Variants in PRDM16 observed in about 807,000 individuals in gnomAD.
The protein encoded by PRDM16 is histone-lysine N-methyltransferase PRDM16.
PRDM16 carries 23 observed loss-of-function variants against 110.6 expected under a neutral mutation model. The ratio of observed to expected loss-of-function variants is 0.21; its 90% confidence interval spans 0.15 to 0.29. The LOEUF (loss-of-function observed/expected upper bound fraction) is 0.29, where lower values mean the gene tolerates loss of function less well. PRDM16 is among the 10% of genes least tolerant of loss of function. PRDM16 has a pLI of 1.00. For synonymous variants in PRDM16, 799 were observed against 781.8 expected (o/e 1.02, Z -0.37); for missense variants, 1,615 against 1,794.3 (o/e 0.90, Z 1.81).
intron 1 of PRDM16, among the ~76,000 whole-genome samples, chr1:3,070,499 G>C (rs1336303834): frequency 2.7e-5 from 4 of 150,080 alleles, no homozygotes; most frequent in Non-Finnish European, 4.5e-5. Context: ...GAGCGGAATC[G>C]GCGCCGCCTG....
intron 3 of PRDM16, among the ~76,000 whole-genome samples, chr1:3,300,617 A>C (rs1474142888): frequency 6.6e-6 from 1 of 152,202 alleles, no homozygotes; most frequent in Non-Finnish European, 1.5e-5. Flanking sequence ...CCGCGGTGCA[A>C]CTGGGGTGCG....
In PRDM16 at chr1:3,382,109, G is replaced by A. The variant is rs1177661306; in HGVS notation, c.439-3043G>A. ...TTCCTGCTGCGCATCAGCAGTCAGG[G>A]TGGGAGGTGAGGGGGCCCTAAGAGG... On this transcript the variant is annotated intron_variant, in intron 3 of 16. Transcript: ENST00000270722. This position sits in a 1 kb window ranked among gnomAD's most constrained non-coding sequence, Gnocchi z 6.6. Among the ~76,000 whole-genome samples, 3 of 152,242 alleles carry A rather than the reference G, an allele frequency of 2.0e-5. No homozygotes were observed. The highest frequency in any genetic ancestry group is 2.4e-5 in the African/African-American group (1 of 41,466).
intron 14 of PRDM16, among the ~76,000 whole-genome samples, 177 bp downstream of exon 14, chr1:3,426,402 G>C (rs117366760): frequency 6.6e-6 from 1 of 152,018 alleles, no homozygotes; most frequent in African/African-American, 2.4e-5. Context: ...TGGGGAAGCT[G>C]CGCTGTCTGC....
chr1:3,218,717 G>A (rs1312985136), intron 2 of PRDM16, among the ~76,000 whole-genome samples: 1 of 152,132 alleles, frequency 6.6e-6, no homozygotes, highest in East Asian at 1.9e-4. Context: ...CACGAGCTGG[G>A]GTCTTTTCTA....
rs542463792 is a variant in PRDM16, at chr1:3,437,627, A to G, written c.*3816A>G. The G allele has an allele frequency of 3.5e-5, 8 of 227,712 alleles. No homozygotes were observed. The highest frequency in any genetic ancestry group is 7.0e-5 in the Non-Finnish European group (8 of 114,644). The allele number at this position is 227,712 out of a possible 1,614,324, so 14.1% of individuals were successfully genotyped here. A position where few individuals can be genotyped will look rare whatever the true frequency, so the allele number is the denominator to read the frequency against. On this transcript the variant is annotated 3_prime_UTR_variant, in exon 17 of 17. Transcript: ENST00000270722. ...GCCATGAAACTGTGTCTCTGTAGCA[A>G]TGAGTGATACTGTGACAAAACCATC...
chr1:3,116,069 G>C (rs555374541), intron 1 of PRDM16, among the ~76,000 whole-genome samples: 1 of 152,326 alleles, frequency 6.6e-6, no homozygotes, highest in Admixed American at 6.5e-5. Flanking sequence ...TGGCCAGCCG[G>C]AGCCCCTCAC....
At chr1:3,403,937 G>T (rs929645904) in intron 6 of PRDM16, among the ~76,000 whole-genome samples, 1 of 152,190 alleles carries the variant, frequency 6.6e-6, no homozygotes, top group Non-Finnish European at 1.5e-5. Flanking sequence ...GAAAATAAAC[G>T]TTTGGGCAAA....
intron 3 of PRDM16, among the ~76,000 whole-genome samples, chr1:3,247,487 G>T (rs528506503): frequency 6.6e-6 from 1 of 152,190 alleles, no homozygotes; most frequent in East Asian, 1.9e-4. Flanking sequence ...TCCTGTGGGC[G>T]CTACAGAGGT....
intron 3 of PRDM16, among the ~76,000 whole-genome samples, chr1:3,326,759 G>A (rs1024180195): frequency 3.3e-5 from 5 of 152,206 alleles, no homozygotes; most frequent in African/African-American, 7.2e-5. Context: ...TCTCTGGAGC[G>A]TTCTGGCTCC....
At chr1:3,104,241 G>T (rs1371348202) in intron 1 of PRDM16, among the ~76,000 whole-genome samples, 2 of 152,230 alleles carry the variant, frequency 1.3e-5, no homozygotes, top group Non-Finnish European at 2.9e-5. Flanking sequence ...TGGGGACCCA[G>T]GAGGCGGCCT....
rs766740557 is a variant in PRDM16 at position 3,433,718 on chromosome 1, C to G, written c.3738C>G (p.Leu1246=). ...MMLSLSEDTP[L]HTPSQGSLDA... is the part of the protein sequence containing the mutation. Reference sequence around the variant, plus strand: ...TGTCCCTTTCCGAAGACACTCCTCTCCACACCCCCTCCCAGGGTTCTCTGG... The same window carrying G: ...TGTCCCTTTCCGAAGACACTCCTCTGCACACCCCCTCCCAGGGTTCTCTGG... The change falls in exon 17 of 17, where the codon CTC becomes CTG. Residue 1246 remains leucine, a synonymous_variant. Transcript: ENST00000270722. The G allele has an allele frequency of 3.1e-6, 5 of 1,614,036 alleles. No individual in the cohort carries two copies. Among genetic ancestry groups the G allele is most frequent in the Non-Finnish European group, 4.2e-6 (5 of 1,179,952 alleles).
intron 1 of PRDM16, among the ~76,000 whole-genome samples, chr1:3,138,065 CCT>C (rs1165633271): frequency 6.6e-6 from 1 of 152,198 alleles, no homozygotes; most frequent in African/African-American, 2.4e-5. Context: ...GTAAGTTCCC[CCT>C]GTGAAGGGCT....
At chr1:3,187,680 C>G (rs1437120278) in intron 2 of PRDM16, among the ~76,000 whole-genome samples, 1 of 152,190 alleles carries the variant, frequency 6.6e-6, no homozygotes. Flanking sequence ...AGTGCATCCT[C>G]CCTGGGCAAG....
At chr1:3,146,616 G>GGA (rs1643662662) in intron 1 of PRDM16, among the ~76,000 whole-genome samples, 1 of 141,456 alleles carries the variant, frequency 7.1e-6, no homozygotes, top group African/African-American at 2.6e-5. Flanking sequence ...CAGTGTGGGG[G>GGA]GTGTGTGTGC....
rs565141532 is a variant in PRDM16, at chr1:3,438,324, C to A, written c.*4513C>A. 2 of 201,936 alleles carry A rather than the reference C, an allele frequency of 9.9e-6. No individual in the cohort carries two copies. Among genetic ancestry groups the A allele is most frequent in the Non-Finnish European group, 1.0e-5 (1 of 98,210 alleles). 12.5% of individuals were successfully genotyped at this position (201,936 alleles called of 1,614,324 possible). The stretch of plus-strand genomic sequence containing the variant: ...TACGTCTGAGACTAGGAGTCCTGAA[C>A]TGCTGACGCGAAAGAGGCGCAGTTC... On this transcript the variant is annotated 3_prime_UTR_variant, in exon 17 of 17. Transcript: ENST00000270722.
intron 2 of PRDM16, among the ~76,000 whole-genome samples, chr1:3,202,679 T>C (rs1384404030): frequency 1.3e-5 from 2 of 152,168 alleles, no homozygotes; most frequent in African/African-American, 4.8e-5. Flanking sequence ...TTTGTGAGGT[T>C]TTCGAAAAGC....
At chr1:3,194,342 G>A (rs1039969635) in intron 2 of PRDM16, among the ~76,000 whole-genome samples, 1 of 152,180 alleles carries the variant, frequency 6.6e-6, no homozygotes, top group Non-Finnish European at 1.5e-5. Context: ...TCACCCTGGA[G>A]CTGAGCCCCG....
At chr1:3,181,692 G>C (rs796803677) in intron 1 of PRDM16, among the ~76,000 whole-genome samples, 1 of 91,194 alleles carries the variant, frequency 1.1e-5, no homozygotes, top group East Asian at 3.3e-4. Flanking sequence ...TCTTACACAC[G>C]GTCTTACACA....
chr1:3,203,798 C>A (rs1022417258), intron 2 of PRDM16, among the ~76,000 whole-genome samples: 1 of 152,154 alleles, frequency 6.6e-6, no homozygotes, highest in African/African-American at 2.4e-5. Context: ...CAACTCAGGC[C>A]GCGTTCTCAG....
Sources: gnomAD v4.1 joint callset for allele counts (sites outside exome capture counted in the v4.1 genomes callset) on GRCh38, gnomAD v4.1.1 for gene constraint, Gnocchi (gnomAD v3.1) non-coding constraint, MANE v1.5 for transcripts, NCBI Gene and HGNC (gene_info 2026-07-23, HGNC 2026-07-21) for gene names.